Variants in KLF8 observed in about 807,000 individuals in gnomAD.
KLF8 encodes Krueppel-like factor 8.
Under a neutral mutation model 18.2 loss-of-function variants are expected in KLF8, and 10 were observed. That is an observed-to-expected ratio of 0.55 (90% CI 0.34 to 0.93). The LOEUF (loss-of-function observed/expected upper bound fraction) is 0.93. Ranked by LOEUF, KLF8 falls within the 40% of genes least tolerant of loss-of-function variation. The pLI is 0.02. For missense variants in KLF8, 264 were observed against 277.9 expected (o/e 0.95, Z 0.36); for synonymous variants, 109 against 97.3 (o/e 1.12, Z -0.71).
At chrX:56,236,353 G>T (rs2066473970) in intron 1 of KLF8, among the ~76,000 whole-genome samples, 1 of 111,936 alleles carries the variant, frequency 8.9e-6, no homozygotes, top group Non-Finnish European at 1.9e-5. Context: ...TCATAAGGTT[G>T]CTGTGAGGAA....
At chrX:56,187,426 C>T in the KLF8 span, among the ~76,000 whole-genome samples, 15 of 111,598 alleles carry the variant, frequency 1.3e-4, no homozygotes, top group East Asian at 8.3e-4. Context: ...GAATTCACAG[C>T]GGAATTCTAC....
the KLF8 span, among the ~76,000 whole-genome samples, chrX:56,209,369 T>C: frequency 2.7e-5 from 3 of 111,865 alleles, no homozygotes; most frequent in Non-Finnish European, 5.6e-5. Flanking sequence ...GTGTGTTTCT[T>C]GTAGTCAAGA....
chrX:56,237,997 C>T (rs769076206), intron 1 of KLF8, among the ~76,000 whole-genome samples: 5 of 111,756 alleles, frequency 4.5e-5, no homozygotes, highest in African/African-American at 1.6e-4. Flanking sequence ...GCTCATTTAA[C>T]CTTAATTTCT....
At chrX:55,930,217 T>C in the KLF8 span, among the ~76,000 whole-genome samples, 1 of 112,135 alleles carries the variant, frequency 8.9e-6, no homozygotes, top group South Asian at 3.7e-4. Flanking sequence ...TGCTTGTGAT[T>C]TTTGCACATT....
At chrX:56,208,366 TTTC>T in the KLF8 span, among the ~76,000 whole-genome samples, 1 of 112,102 alleles carries the variant, frequency 8.9e-6, no homozygotes, top group Non-Finnish European at 1.9e-5. Context: ...TTGGGTCTTA[TTTC>T]TTTTTTTCCT....
At chrX:55,967,388 C>G in the KLF8 span, among the ~76,000 whole-genome samples, 2 of 110,286 alleles carry the variant, frequency 1.8e-5, no homozygotes, top group Admixed American at 9.7e-5. Flanking sequence ...AAATAATATA[C>G]AGTAAAGCTC....
At chrX:56,194,417 T>C in the KLF8 span, among the ~76,000 whole-genome samples, 1 of 112,253 alleles carries the variant, frequency 8.9e-6, no homozygotes, top group African/African-American at 3.2e-5. Context: ...TTCCTGTGCC[T>C]GGCTTGGCGA....
the KLF8 span, among the ~76,000 whole-genome samples, chrX:56,187,505 C>T: frequency 8.9e-6 from 1 of 111,783 alleles, no homozygotes; most frequent in Non-Finnish European, 1.9e-5. Flanking sequence ...AAGAGGGAAT[C>T]CTCCCTAACT....
At chrX:55,933,680 ATGAGTGTG>A in the KLF8 span, among the ~76,000 whole-genome samples, 4 of 111,874 alleles carry the variant, frequency 3.6e-5, no homozygotes, top group African/African-American at 1.3e-4. Flanking sequence ...GTCTTCACTA[ATGAGTGTG>A]TGCATGCATG....
the KLF8 span, among the ~76,000 whole-genome samples, chrX:56,185,900 C>T: frequency 2.7e-5 from 3 of 111,780 alleles, no homozygotes; most frequent in Non-Finnish European, 5.6e-5. Context: ...GGAATAACTG[C>T]TACCAGCCAC....
chrX:56,187,649 G>A, the KLF8 span, among the ~76,000 whole-genome samples: 1 of 111,046 alleles, frequency 9.0e-6, no homozygotes, highest in Non-Finnish European at 1.9e-5. Context: ...ACCGAGTCCA[G>A]CAGCACATCA....
chrX:55,936,087 G>T, the KLF8 span, among the ~76,000 whole-genome samples: 1 of 112,224 alleles, frequency 8.9e-6, no homozygotes, highest in Non-Finnish European at 1.9e-5. Context: ...CTACCAGAGA[G>T]AATGCATCTA....
chrX:56,053,959 T>A, the KLF8 span, among the ~76,000 whole-genome samples: 1 of 110,887 alleles, frequency 9.0e-6, no homozygotes, highest in Non-Finnish European at 1.9e-5. Context: ...AACCAACTCC[T>A]TGAGTTAATC....
At chrX:56,011,637 G>GA in the KLF8 span, among the ~76,000 whole-genome samples, 1 of 109,863 alleles carries the variant, frequency 9.1e-6, no homozygotes, top group African/African-American at 3.3e-5. Context: ...ATAGAGACAT[G>GA]AAAAACCCTT....
At chrX:56,181,564 G>A in the KLF8 span, among the ~76,000 whole-genome samples, 1 of 111,749 alleles carries the variant, frequency 8.9e-6, no homozygotes, top group East Asian at 2.8e-4. Context: ...AGCATCAGTG[G>A]TCTTTACAGT....
At chrX:56,068,000 TG>T in the KLF8 span, among the ~76,000 whole-genome samples, 2 of 112,154 alleles carry the variant, frequency 1.8e-5, no homozygotes, top group East Asian at 5.6e-4. Flanking sequence ...TCACCCACCT[TG>T]CCAATGGTAG....
chrX:56,201,844 C>T, the KLF8 span, among the ~76,000 whole-genome samples: 3 of 111,267 alleles, frequency 2.7e-5, no homozygotes, highest in Non-Finnish European at 3.8e-5. Context: ...TATGGCTGGC[C>T]CTAAGTCAGT....
chrX:56,098,485 A>G, the KLF8 span, among the ~76,000 whole-genome samples: 1 of 111,984 alleles, frequency 8.9e-6, no homozygotes, highest in Non-Finnish European at 1.9e-5. Context: ...CAAAGACCAC[A>G]TGATTATCTC....
At chrX:55,985,618 G>T in the KLF8 span, among the ~76,000 whole-genome samples, 3 of 99,207 alleles carry the variant, frequency 3.0e-5, no homozygotes, top group African/African-American at 1.1e-4. Context: ...CGTCTTTTTT[G>T]GTTCCATAAG....
Sources: allele counts gnomAD v4.1 joint callset (sites outside exome capture counted in the v4.1 genomes callset), GRCh38; gene constraint gnomAD v4.1.1; transcripts MANE v1.5; gene names NCBI Gene and HGNC (gene_info 2026-07-23, HGNC 2026-07-21).